PTPN22: variants seen among roughly 807,000 people sequenced by gnomAD.
PTPN22 encodes tyrosine-protein phosphatase non-receptor type 22.
A neutral mutation model predicts 103.3 loss-of-function variants in PTPN22; 85 were observed. The observed-to-expected ratio is 0.82, with a 90% CI of 0.69 to 0.99. The LOEUF is 0.99. Ranked by LOEUF, PTPN22 falls within the 50% of genes least tolerant of loss-of-function variation. The pLI is 0.00. For synonymous variants in PTPN22, 323 were observed against 310.2 expected, an observed-to-expected ratio of 1.04 and a Z score of -0.43; for missense variants, 865 against 936.9, an observed-to-expected ratio of 0.92 and a Z score of 1.00.
chr1:113,817,608 T>TA (rs897504963), intron 20 of PTPN22, among the ~76,000 whole-genome samples: 43 of 146,194 alleles, frequency 2.9e-4, no homozygotes, highest in African/African-American at 5.0e-4. Flanking sequence ...TGGCTAGTTC[T>TA]AAAAAAAAAA....
At chr1:113,857,150 T>C (rs1158313078) in intron 5 of PTPN22, among the ~76,000 whole-genome samples, 2 of 152,210 alleles carry the variant, frequency 1.3e-5, no homozygotes, top group African/African-American at 4.8e-5. Flanking sequence ...TATCAGATAT[T>C]TGGCATTTTT....
At chr1:113,818,298 G>C (rs555147619) in intron 20 of PTPN22, among the ~76,000 whole-genome samples, 1 of 151,886 alleles carries the variant, frequency 6.6e-6, no homozygotes, top group Admixed American at 6.6e-5. Flanking sequence ...CTGAGTAGCT[G>C]GGATTAGAGG....
At chr1:113,854,988 G>A (rs74163647) in exon 8 of PTPN22, 47 of 1,607,754 alleles carry the variant, frequency 2.9e-5, no homozygotes, top group Non-Finnish European at 4.0e-5. Context: ...AGGGTCTATA[G>A]ATGAAGGTAC....
rs779154794 is a variant in PTPN22, at chr1:113,855,053, TA to T, written c.541-5del. The T allele has an allele frequency of 3.1e-6, 5 of 1,606,626 alleles. No homozygotes were observed. The highest frequency in any genetic ancestry group is 1.1e-5 in the South Asian group (1 of 90,794). ...ACTGGTAGATAGTTCGAGTTTCCTA[TA>T]AAAAGTAGCCAGATGGGAGGGGAAG... On this transcript the variant is annotated splice_region_variant and splice_polypyrimidine_tract_variant and intron_variant, in intron 7 of 20. Transcript: ENST00000359785.
chr1:113,853,863 T>C (rs1261762253), intron 9 of PTPN22, among the ~76,000 whole-genome samples: 1 of 128,734 alleles, frequency 7.8e-6, no homozygotes, highest in Non-Finnish European at 1.7e-5. Flanking sequence ...TTTTTGCTTT[T>C]TTTTTTTTTT....
intron 11 of PTPN22, among the ~76,000 whole-genome samples, chr1:113,845,452 C>T (rs752271181): frequency 2.0e-5 from 3 of 152,094 alleles, no homozygotes; most frequent in Non-Finnish European, 2.9e-5. Flanking sequence ...ATCCGTCTGT[C>T]TTGGCCTCCC....
At chr1:113,814,857 A>T (rs1355794921) in exon 21 of PTPN22, 1 of 1,352,602 alleles carries the variant, frequency 7.4e-7, no homozygotes, top group Non-Finnish European at 1.1e-6. Flanking sequence ...TAGTAGTTTT[A>T]TTTGCAGGTG....
chr1:113,846,765 G>A lies in PTPN22; in HGVS notation c.915+1775C>T, dbSNP rs1664093649. Among the ~76,000 whole-genome samples the A allele has an allele frequency of 2.0e-5, 3 of 152,024 alleles. 1 individual carries two copies. Among genetic ancestry groups the A allele is most frequent in the Admixed American group, 2.0e-4 (3 of 15,258 alleles). ...TGACAGTTATTTTCTTTCAGCACTTGGAAAATATTGTGCCACTTCCTTCTG... is the reference window on the plus strand; with the variant it reads ...TGACAGTTATTTTCTTTCAGCACTTAGAAAATATTGTGCCACTTCCTTCTG... On this transcript the variant is annotated intron_variant, in intron 11 of 20. Transcript: ENST00000359785.
chr1:113,871,513 G>A, intron 1 of PTPN22, 24 bp downstream of exon 1: 1 of 1,594,936 alleles, frequency 6.3e-7, no homozygotes, highest in East Asian at 2.2e-5. Flanking sequence ...TAACTACCCT[G>A]AGAGGGTCAC....
At chr1:113,836,095 T>C (rs1662993753) in intron 13 of PTPN22, among the ~76,000 whole-genome samples, 2 of 151,126 alleles carry the variant, frequency 1.3e-5, no homozygotes, top group Admixed American at 1.3e-4. Flanking sequence ...AAGATATTTT[T>C]GCAACAAAGC....
chr1:113,828,025 TA>T (rs1662236423), intron 18 of PTPN22, among the ~76,000 whole-genome samples: 1 of 152,256 alleles, frequency 6.6e-6, no homozygotes, highest in African/African-American at 2.4e-5. Flanking sequence ...ATCAAATATA[TA>T]AAGGGCATAC....
At chr1:113,818,764 G>C (rs1007650025) in intron 20 of PTPN22, among the ~76,000 whole-genome samples, 4 of 152,196 alleles carry the variant, frequency 2.6e-5, no homozygotes, top group Non-Finnish European at 5.9e-5. Flanking sequence ...ATATGATCTG[G>C]CCATTTCCAG....
At chr1:113,826,317 C>G (rs1457685362) in intron 18 of PTPN22, among the ~76,000 whole-genome samples, 1 of 150,510 alleles carries the variant, frequency 6.6e-6, no homozygotes, top group Non-Finnish European at 1.5e-5. Flanking sequence ...TGCACTCTAG[C>G]ATGGGCAACA....
At chr1:113,848,770 T>C in intron 10 of PTPN22, 144 bp from the exon 11 acceptor site, 1 of 735,876 alleles carries the variant, frequency 1.4e-6, no homozygotes. Context: ...TTAAACTTAC[T>C]AACAATGCCT....
chr1:113,815,571 C>G (rs1661081386), intron 20 of PTPN22: 1 of 152,342 alleles, frequency 6.6e-6, no homozygotes, highest in Non-Finnish European at 1.5e-5. Context: ...CTAATGAAGG[C>G]TATTTCTGGA....
intron 9 of PTPN22, among the ~76,000 whole-genome samples, chr1:113,853,977 C>T (rs1052316708): frequency 3.3e-5 from 5 of 150,634 alleles, no homozygotes; most frequent in Admixed American, 6.6e-5. Flanking sequence ...GCCATTCTCC[C>T]GCCTCAGCCT....
chr1:113,850,200 A>AGAAGGAAGGAAGGAAGGAAGGAAG (rs71090741), intron 10 of PTPN22, among the ~76,000 whole-genome samples: 2 of 77,946 alleles, frequency 2.6e-5, no homozygotes, highest in Non-Finnish European at 5.2e-5. Context: ...CCATCTCAAA[A>AGAAGGAAGGAAGGAAGGAAGGAAG]GAAGGAAGGA....
At chr1:113,836,829 G>C (rs2101962722) in intron 13 of PTPN22, among the ~76,000 whole-genome samples, 1 of 152,182 alleles carries the variant, frequency 6.6e-6, no homozygotes, top group Non-Finnish European at 1.5e-5. Flanking sequence ...GGGAGGCTGA[G>C]GTGGGAGGAT....
At chr1:113,819,629 G>A (rs1661429299) in exon 20 of PTPN22, 1 of 1,602,178 alleles carries the variant, frequency 6.2e-7, no homozygotes, top group Admixed American at 1.7e-5. Flanking sequence ...CTGCAGGCTT[G>A]TTTGGTGGGC....
Sources: gnomAD v4.1 joint callset for allele counts (sites outside exome capture counted in the v4.1 genomes callset) on GRCh38, gnomAD v4.1.1 for gene constraint, MANE v1.5 for transcripts, NCBI Gene and HGNC (gene_info 2026-07-23, HGNC 2026-07-21) for gene names.